Variants in PI4KA observed in about 807,000 individuals in gnomAD.
PI4KA encodes the protein PI4-kinase alpha.
PI4KA carries 122 observed loss-of-function variants against 271.4 expected under a neutral mutation model. The observed-to-expected ratio is 0.45, with a 90% confidence interval of 0.39 to 0.52. PI4KA has a LOEUF of 0.52. Ranked by LOEUF, PI4KA falls within the 20% of genes least tolerant of loss-of-function variation. The pLI, the probability that PI4KA is intolerant of heterozygous loss-of-function variation, is 0.00. For missense variants in PI4KA, 1,969 were observed against 2,769.1 expected, an observed-to-expected ratio of 0.71 and a Z score of 6.48; for synonymous variants, 1,041 against 1,078.8, an observed-to-expected ratio of 0.96 and a Z score of 0.69.
intron 32 of PI4KA, 133 bp downstream of exon 32, chr22:20,742,095 A>G: frequency 1.2e-6 from 1 of 852,604 alleles, no homozygotes; most frequent in Non-Finnish European, 1.8e-6. Context: ...TAGAATCTGT[A>G]AGGAGACTGA....
intron 7 of PI4KA, among the ~76,000 whole-genome samples, 162 bp downstream of exon 7, chr22:20,818,321 A>G (rs1029064875): frequency 2.0e-5 from 3 of 152,240 alleles, no homozygotes; most frequent in Non-Finnish European, 2.9e-5. Context: ...ATTTTAAGAA[A>G]CTTAAATGAA....
chr22:20,847,243 A>G (rs1926384989), intron 1 of PI4KA, among the ~76,000 whole-genome samples: 2 of 152,174 alleles, frequency 1.3e-5, no homozygotes, highest in African/African-American at 4.8e-5. Context: ...CACACATTTA[A>G]CAAACCTGCA....
rs572762326 is a variant in PI4KA, at chr22:20,836,406, A to G, written c.274-1751T>C. 2.6e-5 allele frequency among the ~76,000 whole-genome samples: 4 copies of G among 152,378 alleles called. No homozygotes were observed. In the South Asian group the frequency reaches 6.2e-4, roughly 24 times the overall value. On this transcript the variant is annotated intron_variant, in intron 2 of 54. Transcript: ENST00000255882. Reference sequence around the variant, plus strand: ...TTTTTTCTCTAAACCATAAAAAGGAACTGGCTAAGACATCTGTCGAGGATC... The same window carrying G: ...TTTTTTCTCTAAACCATAAAAAGGAGCTGGCTAAGACATCTGTCGAGGATC...
At position 20,711,245 on chromosome 22, in the gene PI4KA, G is replaced by A; in HGVS notation, c.5923+96C>T. On this transcript the variant is annotated intron_variant, in intron 51 of 54. Transcript: ENST00000255882. The stretch of plus-strand genomic sequence containing the variant: ...GGACCCTGACACTCCTGGCAGGGTG[G>A]TCCTGGGCATTCTCCTCTCTGTGGG... 2.6e-6 allele frequency: 2 copies of A among 769,530 alleles called. 1 individual carries two copies. The highest frequency in any genetic ancestry group is 3.0e-5 in the South Asian group (2 of 67,030). The allele number at this position is 769,530 out of a possible 1,614,324, so 47.7% of individuals were successfully genotyped here. A position where few individuals can be genotyped will look rare whatever the true frequency, so the allele number is the denominator to read the frequency against.
Position 20,753,117 on chromosome 22 carries a change from G to A in PI4KA, c.2855C>T (p.Ala952Val), listed in dbSNP as rs556992818. 1.2e-5 allele frequency: 19 copies of A among 1,613,902 alleles called. No individual in the cohort carries two copies. The highest frequency in any genetic ancestry group is 3.3e-5 in the Admixed American group (2 of 59,996). ...KVFDAFLNMM[A>V]DKAKTKENEE... Reference sequence around the variant, plus strand: ...CATGCTGGAGAGGCTTACTTTATCCGCCATCATGTTCAGGAAGGCATCGAA... The same window carrying A: ...CATGCTGGAGAGGCTTACTTTATCCACCATCATGTTCAGGAAGGCATCGAA... The change falls in exon 24 of 55, where the codon GCG becomes GTG. Residue 952 changes from alanine (A) to valine (V), a missense_variant. This residue lies in a region of PI4KA where 368 missense variants were observed against 544.3 expected (regional missense o/e 0.68). Transcript: ENST00000255882.
chr22:20,819,541 T>C (rs529578845), intron 6 of PI4KA, 100 bp downstream of exon 6: 1 of 1,085,880 alleles, frequency 9.2e-7, no homozygotes, highest in African/African-American at 1.6e-5. Flanking sequence ...CATTTCACGT[T>C]ACTTAAGTTT....
chr22:20,724,858 T>C (rs1485812944), intron 42 of PI4KA, among the ~76,000 whole-genome samples: 1 of 151,668 alleles, frequency 6.6e-6, no homozygotes, highest in African/African-American at 2.4e-5. Context: ...GGGAAAATAA[T>C]GTGGGAGGGG....
chr22:20,749,092 A>G (rs1340862873), intron 28 of PI4KA, among the ~76,000 whole-genome samples: 12 of 152,240 alleles, frequency 7.9e-5, no homozygotes, highest in Admixed American at 7.8e-4. Flanking sequence ...TTCAGACGAC[A>G]GACAGCCTTG....
chr22:20,838,628 T>A lies in PI4KA; in HGVS notation c.260A>T (p.Glu87Val). 6.3e-7 allele frequency: 1 copy of A among 1,594,738 alleles called. No individual in the cohort carries two copies. The highest frequency in any genetic ancestry group is 8.6e-7 in the Non-Finnish European group (1 of 1,162,486). ...ATGAAGACTTACCTGAAGATCAGAT[T>A]CAATCAGAAAAATGCCCAATGCAAT... ...AVIALGIFLI[E>V]SDLQHKDCVV... The change falls in exon 2 of 55, where the codon GAA becomes GTA. Residue 87 changes from glutamate to valine, a missense_variant. Coordinates refer to ENST00000255882, the MANE Select transcript of PI4KA (RefSeq NM_058004.4).
At chr22:20,812,614 C>T (rs1921209908) in intron 8 of PI4KA, among the ~76,000 whole-genome samples, 1 of 152,068 alleles carries the variant, frequency 6.6e-6, no homozygotes, top group Non-Finnish European at 1.5e-5. Context: ...GAGTGCAGTG[C>T]TGCGATGTTG....
chr22:20,809,798 A>G (rs567741092), intron 9 of PI4KA, among the ~76,000 whole-genome samples: 4 of 152,368 alleles, frequency 2.6e-5, no homozygotes, highest in Non-Finnish European at 5.9e-5. Context: ...TTGGGGAGTT[A>G]TAAGAACTCT....
chr22:20,858,740 C>A lies in PI4KA; in HGVS notation c.-15G>T. On this transcript the variant is annotated 5_prime_UTR_variant, in exon 1 of 55. Transcript: ENST00000255882. ...GCCGCCGCCATCACCTCACGAGCCG[C>A]GGCGCTGCCCGCCGGCTCCCCGCTC... is the stretch of plus-strand genomic sequence containing the variant. The A allele has an allele frequency of 7.3e-7, 1 of 1,373,254 alleles. No homozygotes were observed. Among genetic ancestry groups the A allele is most frequent in the Non-Finnish European group, 9.4e-7 (1 of 1,062,386 alleles). 85.1% of individuals were successfully genotyped at this position (1,373,254 alleles called of 1,614,324 possible).
chr22:20,727,664 G>GA (rs1439880962), intron 40 of PI4KA, 110 bp downstream of exon 40: 2 of 817,484 alleles, frequency 2.4e-6, no homozygotes, highest in East Asian at 5.0e-5. Context: ...GAATAGCACT[G>GA]AAGTTGCCAA....
chr22:20,721,458 T>C, intron 42 of PI4KA, 40 bp from the exon 43 acceptor site: 1 of 1,609,132 alleles, frequency 6.2e-7, no homozygotes, highest in Admixed American at 1.7e-5. Context: ...GGCTCGGCCC[T>C]CTCCATGAGG....
intron 19 of PI4KA, among the ~76,000 whole-genome samples, chr22:20,771,669 C>G (rs922184708): frequency 2.6e-5 from 4 of 151,884 alleles, no homozygotes; most frequent in Admixed American, 2.6e-4. Context: ...GCAACCTTCA[C>G]CTCCCAGGTT....
Position 20,803,531 on chromosome 22 carries a change from T to A in PI4KA, c.1462-211A>T, listed in dbSNP as rs1473592994. 2.0e-5 allele frequency among the ~76,000 whole-genome samples: 3 copies of A among 152,140 alleles called. No homozygotes were observed. In the East Asian group the frequency reaches 5.8e-4, roughly 29 times the overall value. ...TATAGGGGACATCAACTACTATTTT[T>A]TTGTTTTGTTTTTGAGACAGGGTCT... On this transcript the variant is annotated intron_variant, in intron 12 of 54. Transcript: ENST00000255882.
chr22:20,819,731 G>A lies in PI4KA; in HGVS notation c.699C>T (p.Asp233=). The change falls in exon 6 of 55, where the codon GAC becomes GAT. Residue 233 remains aspartate, a synonymous_variant. Transcript: ENST00000255882. ...LEGVRRRSFN[D]FRSILPSNLL... ...GATTGCTGGGGAGGATGGAGCGGAA[G>A]TCATTAAAGGAACGCCTTCGAACAC... 6.2e-7 allele frequency: 1 copy of A among 1,614,080 alleles called. No homozygotes were observed. The highest frequency in any genetic ancestry group is 8.5e-7 in the Non-Finnish European group (1 of 1,179,978).
intron 42 of PI4KA, 99 bp from the exon 43 acceptor site, chr22:20,721,517 A>G: frequency 1.5e-6 from 2 of 1,322,468 alleles, no homozygotes; most frequent in Non-Finnish European, 2.2e-6. Context: ...AGACCAGGCA[A>G]GGGTAAGGCC....
chr22:20,819,304 G>GT (rs140229484), intron 6 of PI4KA, among the ~76,000 whole-genome samples: 15,968 of 144,708 alleles, frequency 0.11, 801 homozygotes, highest in Non-Finnish European at 0.12. Context: ...TAAAGGAGTG[G>GT]TTTTTTTTTT....
Sources: gnomAD v4.1 joint callset for allele counts (sites outside exome capture counted in the v4.1 genomes callset) on GRCh38, gnomAD v4.1.1 for gene constraint, gnomAD v4.1.1 regional missense constraint, MANE v1.5 for transcripts, NCBI Gene and HGNC (gene_info 2026-07-23, HGNC 2026-07-21) for gene names.